Variants in AKAP7 observed in about 807,000 individuals in gnomAD.
The protein encoded by AKAP7 is A-kinase anchoring protein 7.
Under a neutral mutation model 39.5 loss-of-function variants are expected in AKAP7, and 39 were observed. The ratio of observed to expected loss-of-function variants is 0.99; its 90% confidence interval spans 0.76 to 1.29. The LOEUF (loss-of-function observed/expected upper bound fraction) is 1.29, where lower values mean the gene tolerates loss of function less well. AKAP7 is among the 50% of genes most tolerant of loss of function. The probability of loss-of-function intolerance (pLI) is 0.00; values close to 1 mark genes in which losing one functional copy is unlikely to be tolerated. For synonymous variants in AKAP7, 140 were observed against 139.1 expected (o/e 1.01, Z -0.05); for missense variants, 414 against 407.7 (o/e 1.02, Z -0.13).
intron 6 of AKAP7, among the ~76,000 whole-genome samples, chr6:131,207,178 G>A (rs1223220755): frequency 6.6e-6 from 1 of 152,134 alleles, no homozygotes; most frequent in Non-Finnish European, 1.5e-5. Context: ...TTTCTTTTCT[G>A]TGTGGAAGGA....
chr6:131,246,094 A>AATATATATATATATATATATAT (rs57449798), intron 7 of AKAP7, among the ~76,000 whole-genome samples: 2 of 143,942 alleles, frequency 1.4e-5, no homozygotes, highest in Admixed American at 7.0e-5. Context: ...CAGAAGTCCA[A>AATATATATATATATATATATAT]ATATATATAT....
chr6:131,245,523 C>T lies in AKAP7; in HGVS notation c.850+25715C>T, dbSNP rs115422387. ...AAATGTAATACTGGGTATGTCCATC[C>T]GATTTTCTTCAGGCCCAGAATAATT... is the stretch of plus-strand genomic sequence containing the variant. On this transcript the variant is annotated intron_variant, in intron 7 of 7. Transcript: ENST00000431975. Among the ~76,000 whole-genome samples, 1,110 of 151,822 alleles carry T rather than the reference C, an allele frequency of 7.3e-3. 10 individuals are homozygous for T. Among genetic ancestry groups the T allele is most frequent in the African/African-American group, 0.026 (1,061 of 41,386 alleles).
chr6:131,166,996 G>A lies in AKAP7; in HGVS notation c.428+1779G>A, dbSNP rs76141138. On this transcript the variant is annotated intron_variant, in intron 4 of 7. Coordinates refer to ENST00000431975, the MANE Select transcript of AKAP7 (RefSeq NM_016377.4). ...CTTGAGGTAGATGTCACCTAAACTC[G>A]TTTGTATCCTTACAGTGTAGAAGAA... 1.8e-3 allele frequency among the ~76,000 whole-genome samples: 279 copies of A among 152,166 alleles called. 1 individual carries two copies. Among genetic ancestry groups the A allele is most frequent in the African/African-American group, 4.9e-3 (202 of 41,512 alleles).
Position 131,144,299 on chromosome 6 carries a change from G to GGCGGGGC in AKAP7, c.20-985_20-979dup, listed in dbSNP as rs1465338232. On this transcript the variant is annotated intron_variant, in intron 1 of 7. Coordinates refer to ENST00000431975, the MANE Select transcript of AKAP7 (RefSeq NM_016377.4). ...GGGCACACCTCCCAGACGGGGTCGT[G>GGCGGGGC]GCGGGGCAGAGGGGCTCCTCACTTC... is the stretch of plus-strand genomic sequence containing the variant. Among the ~76,000 whole-genome samples the GGCGGGGC allele has an allele frequency of 2.6e-5, 4 of 152,204 alleles. No individual in the cohort carries two copies. The East Asian group carries it at 7.7e-4, about 29-fold the overall frequency.
intron 1 of AKAP7, among the ~76,000 whole-genome samples, chr6:131,138,685 G>T (rs1412347653): frequency 6.6e-6 from 1 of 152,198 alleles, no homozygotes; most frequent in African/African-American, 2.4e-5. Context: ...TCCAGTTCCA[G>T]CCCCAAGACC....
intron 7 of AKAP7, among the ~76,000 whole-genome samples, chr6:131,235,629 T>C (rs1300250084): frequency 2.0e-5 from 3 of 152,230 alleles, no homozygotes; most frequent in African/African-American, 7.2e-5. Context: ...TATCTCATTG[T>C]GGTTTTTATT....
intron 3 of AKAP7, among the ~76,000 whole-genome samples, chr6:131,162,424 G>A (rs562396114): frequency 6.6e-6 from 1 of 152,166 alleles, no homozygotes; most frequent in Admixed American, 6.5e-5. Flanking sequence ...TCCCAGCTGA[G>A]TCACAGACTC....
chr6:131,264,419 TTAG>T (rs1406761896), intron 7 of AKAP7, among the ~76,000 whole-genome samples: 3 of 152,206 alleles, frequency 2.0e-5, no homozygotes, highest in Admixed American at 2.0e-4. Context: ...GGAATATCAC[TTAG>T]TAGCAAAAGA....
rs377588072 is a variant in AKAP7 at position 131,192,274 on chromosome 6, G to GAGAT, written c.590-7184_590-7181dup. Among the ~76,000 whole-genome samples, 26 of 152,278 alleles carry GAGAT rather than the reference G, an allele frequency of 1.7e-4. 1 individual carries two copies. Among genetic ancestry groups the GAGAT allele is most frequent in the African/African-American group, 5.8e-4 (24 of 41,562 alleles). ...TTGATTTGATTTTTGTATGTGGTGAGAGATAGGTGTCTAGTTTCATTCTTC... is the reference window on the plus strand; with the variant it reads ...TTGATTTGATTTTTGTATGTGGTGAGAGATAGATAGGTGTCTAGTTTCATTCTTC... On this transcript the variant is annotated intron_variant, in intron 5 of 7. Coordinates refer to ENST00000431975, the MANE Select transcript of AKAP7 (RefSeq NM_016377.4).
intron 3 of AKAP7, chr6:131,164,608 G>T (rs1334678867): frequency 5.9e-6 from 2 of 338,132 alleles, no homozygotes; most frequent in South Asian, 2.3e-5. Context: ...ATGAGGAACG[G>T]GTTCACAGAC....
At chr6:131,138,741 G>T (rs1262849441) in intron 1 of AKAP7, among the ~76,000 whole-genome samples, 1 of 152,170 alleles carries the variant, frequency 6.6e-6, no homozygotes, top group Non-Finnish European at 1.5e-5. Flanking sequence ...CAGTTAGTTT[G>T]TAAAATGAGC....
intron 6 of AKAP7, among the ~76,000 whole-genome samples, chr6:131,217,128 A>G (rs1269145279): frequency 6.6e-6 from 1 of 152,168 alleles, no homozygotes; most frequent in Admixed American, 6.5e-5. Context: ...GGGGTCCACA[A>G]CCTGAAAATA....
At chr6:131,173,902 A>G (rs1804323897) in intron 5 of AKAP7, among the ~76,000 whole-genome samples, 1 of 152,188 alleles carries the variant, frequency 6.6e-6, no homozygotes, top group South Asian at 2.1e-4. Flanking sequence ...CATTCTTTGC[A>G]AATATTCTCA....
At chr6:131,251,178 C>T (rs1812418329) in intron 7 of AKAP7, among the ~76,000 whole-genome samples, 1 of 152,188 alleles carries the variant, frequency 6.6e-6, no homozygotes, top group Non-Finnish European at 1.5e-5. Context: ...CCCATTGAAC[C>T]TGCCTAAATG....
chr6:131,242,306 C>A, intron 7 of AKAP7: 1 of 633,084 alleles, frequency 1.6e-6, no homozygotes, highest in Non-Finnish European at 2.0e-6. Context: ...CAACTTGGAT[C>A]ATAATAAGCG....
chr6:131,136,769 T>C (rs1800579306), intron 1 of AKAP7: 1 of 772,296 alleles, frequency 1.3e-6, no homozygotes, highest in Non-Finnish European at 1.6e-6. Flanking sequence ...GTTCCCTTTT[T>C]ATGAGGAGGA....
chr6:131,265,639 CA>C (rs1322172336), intron 7 of AKAP7, among the ~76,000 whole-genome samples: 3 of 150,856 alleles, frequency 2.0e-5, no homozygotes, highest in East Asian at 1.9e-4. Context: ...CATTTTAGAA[CA>C]AAAAAAAATT....
At chr6:131,156,985 C>T (rs1802476515) in intron 2 of AKAP7, among the ~76,000 whole-genome samples, 1 of 152,060 alleles carries the variant, frequency 6.6e-6, no homozygotes, top group Non-Finnish European at 1.5e-5. Context: ...CCGTGTTAGC[C>T]AGGGTGGTCT....
At chr6:131,135,835 G>T (rs1800487606) in intron 1 of AKAP7, 53 bp downstream of exon 1, 1 of 1,225,908 alleles carries the variant, frequency 8.2e-7, no homozygotes, top group Non-Finnish European at 1.0e-6. Flanking sequence ...AGCCGCGGGG[G>T]CCTGGGCCTG....
Sources: gnomAD v4.1 joint callset for allele counts (sites outside exome capture counted in the v4.1 genomes callset) on GRCh38, gnomAD v4.1.1 for gene constraint, MANE v1.5 for transcripts, NCBI Gene and HGNC (gene_info 2026-07-23, HGNC 2026-07-21) for gene names.